Variants in AKAP6 observed in about 807,000 individuals in gnomAD.
AKAP6 encodes A-kinase anchor protein 6.
AKAP6 carries 58 observed loss-of-function variants against 188.5 expected under a neutral mutation model. That is an observed-to-expected ratio of 0.31 (90% CI 0.25 to 0.38). The LOEUF (loss-of-function observed/expected upper bound fraction) is 0.38, where lower values mean the gene tolerates loss of function less well. Among genes scored for constraint, AKAP6 ranks in the 10% least tolerant of loss-of-function variants. AKAP6 has a pLI of 1.00. For synonymous variants in AKAP6, 989 were observed against 998.6 expected (o/e 0.99, Z 0.18); for missense variants, 2,710 against 2,740.0 (o/e 0.99, Z 0.24).
intron 2 of AKAP6, among the ~76,000 whole-genome samples, chr14:32,444,453 T>C (rs952894901): frequency 1.3e-5 from 2 of 152,358 alleles, no homozygotes; most frequent in East Asian, 1.9e-4. Flanking sequence ...AGGAACTGAA[T>C]AGAAATCTCT....
chr14:32,737,475 AAGC>A (rs1459583004), intron 11 of AKAP6, among the ~76,000 whole-genome samples: 2 of 152,192 alleles, frequency 1.3e-5, no homozygotes, highest in South Asian at 2.1e-4. Context: ...AATTGGTAAT[AAGC>A]ATGTACAGAG....
chr14:32,511,814 C>G (rs1819622593), intron 2 of AKAP6, among the ~76,000 whole-genome samples: 1 of 152,130 alleles, frequency 6.6e-6, no homozygotes, highest in South Asian at 2.1e-4. Context: ...TCTCGTTCAT[C>G]TTTCTCTTTC....
At chr14:32,604,084 C>CA (rs1886042275) in intron 7 of AKAP6, among the ~76,000 whole-genome samples, 1 of 152,110 alleles carries the variant, frequency 6.6e-6, no homozygotes, top group Non-Finnish European at 1.5e-5. Flanking sequence ...GAAAACCAAA[C>CA]AAAAACCCTC....
chr14:32,735,999 T>A (rs2139843767), intron 11 of AKAP6, 117 bp downstream of exon 11: 1 of 744,020 alleles, frequency 1.3e-6, no homozygotes, highest in East Asian at 2.7e-5. Context: ...CACCTAAATG[T>A]TTCCTTGAAT....
chr14:32,747,074 A>G (rs992007596), intron 11 of AKAP6, among the ~76,000 whole-genome samples: 1 of 152,146 alleles, frequency 6.6e-6, no homozygotes, highest in African/African-American at 2.4e-5. Flanking sequence ...AATGTTTCCT[A>G]AAACCTCAGT....
At chr14:32,565,326 C>A (rs917040638) in intron 4 of AKAP6, among the ~76,000 whole-genome samples, 1 of 152,202 alleles carries the variant, frequency 6.6e-6, no homozygotes, top group East Asian at 1.9e-4. Flanking sequence ...GGAAAAAATT[C>A]TCCTTCTGAA....
chr14:32,361,592 T>A (rs968206356), intron 1 of AKAP6, among the ~76,000 whole-genome samples: 1 of 152,198 alleles, frequency 6.6e-6, no homozygotes, highest in Middle Eastern at 3.2e-3. Context: ...ATTAGCTTTA[T>A]TCATTGCCTC....
At chr14:32,365,961 G>A (rs956324929) in intron 1 of AKAP6, among the ~76,000 whole-genome samples, 5 of 152,098 alleles carry the variant, frequency 3.3e-5, no homozygotes, top group Non-Finnish European at 4.4e-5. Flanking sequence ...CTTGCCCACT[G>A]GTCAAACCCT....
At chr14:32,770,442 T>C (rs1272087552) in intron 11 of AKAP6, among the ~76,000 whole-genome samples, 3 of 152,202 alleles carry the variant, frequency 2.0e-5, no homozygotes, top group African/African-American at 7.2e-5. Context: ...GCAATATGAC[T>C]ATGCATGGGA....
At chr14:32,580,369 C>T (rs1166415145) in intron 5 of AKAP6, among the ~76,000 whole-genome samples, 9 of 152,040 alleles carry the variant, frequency 5.9e-5, no homozygotes, top group Non-Finnish European at 8.8e-5. Flanking sequence ...AAGTGTTGAA[C>T]ATTCCCTCTT....
At chr14:32,612,800 A>G (rs1317146818) in intron 7 of AKAP6, among the ~76,000 whole-genome samples, 4 of 152,190 alleles carry the variant, frequency 2.6e-5, no homozygotes, top group Non-Finnish European at 5.9e-5. Context: ...AAAACATTAA[A>G]AGCATCTAAT....
At chr14:32,345,107 G>A (rs991824876) in intron 1 of AKAP6, among the ~76,000 whole-genome samples, 1 of 152,064 alleles carries the variant, frequency 6.6e-6, no homozygotes, top group Non-Finnish European at 1.5e-5. Context: ...CTAATTTGGG[G>A]AAATGTTTTC....
rs916127664 is a variant in AKAP6 at position 32,695,931 on chromosome 14, A to G, written c.2880-59A>G. ...GTTTTCAAGAATATATTATTCTAAT[A>G]TAAGATTTTAACAACTACACTGTAT... On this transcript the variant is annotated intron_variant, in intron 8 of 13. Transcript: ENST00000280979. The G allele has an allele frequency of 6.5e-6, 10 of 1,533,786 alleles. No homozygotes were observed. The African/African-American group carries it at 7.1e-5, about 11-fold the overall frequency.
chr14:32,386,533 G>T (rs1888542332), intron 1 of AKAP6, among the ~76,000 whole-genome samples: 1 of 152,018 alleles, frequency 6.6e-6, no homozygotes, highest in South Asian at 2.1e-4. Context: ...AGATTGTGAA[G>T]ATTTTTTTCC....
intron 7 of AKAP6, among the ~76,000 whole-genome samples, chr14:32,625,986 G>A (rs1415806012): frequency 6.6e-6 from 1 of 152,060 alleles, no homozygotes; most frequent in Non-Finnish European, 1.5e-5. Flanking sequence ...TGTCTAACTT[G>A]GGTTCTTACC....
chr14:32,485,657 GTTGT>G (rs1411322431), intron 2 of AKAP6, among the ~76,000 whole-genome samples: 8 of 81,506 alleles, frequency 9.8e-5, no homozygotes, highest in Non-Finnish European at 1.7e-4. Flanking sequence ...TTTTAATGGG[GTTGT>G]TTGTTTTTTT....
chr14:32,670,838 T>A (rs1299108620), intron 7 of AKAP6, among the ~76,000 whole-genome samples: 1 of 152,204 alleles, frequency 6.6e-6, no homozygotes, highest in East Asian at 1.9e-4. Flanking sequence ...CCAACAATTT[T>A]TAAAATGAAG....
At chr14:32,470,642 A>C (rs1413226625) in intron 2 of AKAP6, among the ~76,000 whole-genome samples, 1 of 152,236 alleles carries the variant, frequency 6.6e-6, no homozygotes, top group Non-Finnish European at 1.5e-5. Context: ...AAATGCCAAC[A>C]AAATATTTAA....
intron 1 of AKAP6, among the ~76,000 whole-genome samples, chr14:32,374,461 A>C (rs1009663796): frequency 5.3e-5 from 8 of 152,226 alleles, no homozygotes; most frequent in Admixed American, 3.3e-4. Flanking sequence ...GCCACAAAAA[A>C]GTCTATAAGG....
Sources: gnomAD v4.1 joint callset for allele counts (sites outside exome capture counted in the v4.1 genomes callset) on GRCh38, gnomAD v4.1.1 for gene constraint, MANE v1.5 for transcripts, NCBI Gene and HGNC (gene_info 2026-07-23, HGNC 2026-07-21) for gene names.